The following CRLF2 variants were observed in gnomAD, a reference collection of about 807,000 sequenced individuals.
The protein encoded by CRLF2 is cytokine receptor like factor 2.
Under a neutral mutation model 38.7 loss-of-function variants are expected in CRLF2, and 41 were observed. That is an observed-to-expected ratio of 1.06 (90% CI 0.83 to 1.37). The LOEUF (loss-of-function observed/expected upper bound fraction) is 1.37, where lower values mean the gene tolerates loss of function less well. Among genes scored for constraint, CRLF2 ranks in the 40% most tolerant of loss-of-function variants. The probability of loss-of-function intolerance (pLI) is 0.00; values close to 1 mark genes in which losing one functional copy is unlikely to be tolerated. For synonymous variants in CRLF2, 140 were observed against 128.8 expected (o/e 1.09, Z -0.59); for missense variants, 377 against 322.2 (o/e 1.17, Z -1.30).
At chrX:1,208,748 T>C (rs2086734588) in intron 2 of CRLF2, 58 bp downstream of exon 2, 1 of 1,008,588 alleles carries the variant, frequency 9.9e-7, no homozygotes, top group African/African-American at 1.6e-5. Context: ...CGCTGACGGC[T>C]CAGAAGAGCG....
intron 2 of CRLF2, among the ~76,000 whole-genome samples, chrX:1,207,511 CCCT>C (rs1156464342): frequency 0.011 from 828 of 74,412 alleles, 10 homozygotes; most frequent in Middle Eastern, 0.036. Flanking sequence ...ACCCCCCCCC[CCCT>C]CAGCCTCCCA....
In CRLF2 at chrX:1,202,420, G is replaced by T; in HGVS notation, c.465C>A (p.Pro155=). The change falls in exon 4 of 8, where the codon CCC becomes CCA. Residue 155 remains proline, a synonymous_variant. Coordinates refer to ENST00000400841, the MANE Select transcript of CRLF2 (RefSeq NM_022148.4). The part of the protein sequence containing the change: ...DLLYEVQYRS[P]FDTEWQSKQE... ...GGCTCACCTGCCACTCGGTGTCGAA[G>T]GGGCTCCGGTACTGAACCTCATAGA... The T allele has an allele frequency of 6.2e-7, 1 of 1,613,648 alleles. No homozygotes were observed.
intron 1 of CRLF2, among the ~76,000 whole-genome samples, chrX:1,209,294 T>TTGTAGTGTAGTGTAG (rs774118469): frequency 0.049 from 6,921 of 142,472 alleles, 228 homozygotes; most frequent in Non-Finnish European, 0.065. Flanking sequence ...TTGCATTGTA[T>TTGTAGTGTAGTGTAG]TGTAGTGTAG....
In CRLF2 at chrX:1,191,128, G is replaced by A. The variant is rs2086365937; in HGVS notation, c.885C>T (p.His295=). The part of the protein sequence containing the change: ...EWITDTQNVA[H]LHKMAGAEQE... The stretch of plus-strand genomic sequence containing the variant: ...GCTCTGCACCTGCCATCTTGTGGAG[G>A]TGGGCCACGTTCTGGGTGTCTGTGA... Residue 295 remains histidine (H), a synonymous_variant, in exon 8 of 8, where the codon CAC becomes CAT. Coordinates refer to ENST00000400841, the MANE Select transcript of CRLF2 (RefSeq NM_022148.4). 1 of 398,546 alleles carries A rather than the reference G, an allele frequency of 2.5e-6. No homozygotes were observed. The highest frequency in any genetic ancestry group is 1.3e-4 in the South Asian group (1 of 7,860). The allele number at this position is 398,546 out of a possible 1,614,324, so 24.7% of individuals were successfully genotyped here. A position where few individuals can be genotyped will look rare whatever the true frequency, so the allele number is the denominator to read the frequency against.
chrX:1,191,936 T>G (rs1694845979), intron 7 of CRLF2, among the ~76,000 whole-genome samples: 1 of 151,736 alleles, frequency 6.6e-6, no homozygotes, highest in Admixed American at 6.6e-5. Context: ...CCGGCCGCAG[T>G]GGCTTACACC....
rs1357383412 is a variant in CRLF2 at position 1,192,192 on chromosome X, G to A, written c.852+1026C>T. ...TGCACTCCAGCCTGGGCGACAGAGC[G>A]AGACTCCGTCTCAAAAAAAAAAAAA... is the stretch of plus-strand genomic sequence containing the variant. On this transcript the variant is annotated intron_variant, in intron 7 of 7. Coordinates refer to ENST00000400841, the MANE Select transcript of CRLF2 (RefSeq NM_022148.4). 5.1e-3 allele frequency among the ~76,000 whole-genome samples: 606 copies of A among 118,174 alleles called. 18 individuals are homozygous for A. In the East Asian group the frequency reaches 0.12, roughly 23 times the overall value. 77.5% of individuals were successfully genotyped at this position (118,174 alleles called of 152,430 possible). A position where few individuals can be genotyped will look rare whatever the true frequency, so the allele number is the denominator to read the frequency against.
At chrX:1,192,597 T>C (rs1332952680) in intron 7 of CRLF2, among the ~76,000 whole-genome samples, 1 of 151,486 alleles carries the variant, frequency 6.6e-6, no homozygotes, top group Non-Finnish European at 1.5e-5. Flanking sequence ...TTCCTTCCTT[T>C]CTTCCTTTCT....
chrX:1,204,805 GGGTAAGC>G (rs1168563857), intron 3 of CRLF2, among the ~76,000 whole-genome samples: 2 of 144,448 alleles, frequency 1.4e-5, no homozygotes, highest in East Asian at 2.0e-4. Flanking sequence ...GGGATTACAG[GGGTAAGC>G]CACCACCCTG....
chrX:1,199,816 G>A (rs1373656885), intron 4 of CRLF2, among the ~76,000 whole-genome samples: 1 of 151,586 alleles, frequency 6.6e-6, no homozygotes, highest in Non-Finnish European at 1.5e-5. Flanking sequence ...TGTGTATAAG[G>A]TGTGTGTATA....
Position 1,190,796 on chromosome X carries a change from GA to G in CRLF2, c.*100del. 1 of 398,636 alleles carries G rather than the reference GA, an allele frequency of 2.5e-6. No homozygotes were observed. Among genetic ancestry groups the G allele is most frequent in the Non-Finnish European group, 4.4e-6 (1 of 226,080 alleles). 24.7% of individuals were successfully genotyped at this position (398,636 alleles called of 1,614,324 possible). ...TCCTAGTCCTACCATCATTGGCGTG[GA>G]GACTTCCCATCCATGGTGGTGTGGA... On this transcript the variant is annotated 3_prime_UTR_variant, in exon 8 of 8. Transcript: ENST00000400841.
rs2086492137 is a variant in CRLF2, at chrX:1,197,033, GTTGT to G, written c.647-137_647-134del. 1.3e-5 allele frequency: 9 copies of G among 671,248 alleles called. No homozygotes were observed. In the South Asian group the frequency reaches 3.0e-4, roughly 23 times the overall value. The allele number at this position is 671,248 out of a possible 1,614,324, so 41.6% of individuals were successfully genotyped here. On this transcript the variant is annotated intron_variant, in intron 5 of 7. Coordinates refer to ENST00000400841, the MANE Select transcript of CRLF2 (RefSeq NM_022148.4). ...TGTTCGTTTTTTTTTCTTGGTTCTCGTTGTTTGTTTTTTGTTTTGTTTTTGTTTT... is the reference window on the plus strand; with the variant it reads ...TGTTCGTTTTTTTTTCTTGGTTCTCGTTGTTTTTTGTTTTGTTTTTGTTTT...
At chrX:1,202,209 G>C (rs12859789) in intron 4 of CRLF2, among the ~76,000 whole-genome samples, 193 bp downstream of exon 4, 48,274 of 151,792 alleles carry the variant, frequency 0.32, 9,387 homozygotes, top group East Asian at 0.51. Context: ...TTTCTCTGGA[G>C]ACCCCTCAGA....
rs1198350526 is a variant in CRLF2 at position 1,195,959 on chromosome X, TA to T, written c.767+820del. On this transcript the variant is annotated intron_variant, in intron 6 of 7. Transcript: ENST00000400841. Reference sequence around the variant, plus strand: ...AATATATTTATATATATTTTATATATAAATTAAATATATATTATATATATTT... The same window carrying T: ...AATATATTTATATATATTTTATATATAATTAAATATATATTATATATATTT... Among the ~76,000 whole-genome samples the T allele has an allele frequency of 5.4e-4, 76 of 141,998 alleles. 2 individuals carry two copies. Among genetic ancestry groups the T allele is most frequent in the Middle Eastern group, 7.2e-3 (2 of 278 alleles). 93.2% of individuals were successfully genotyped at this position (141,998 alleles called of 152,430 possible). A position where few individuals can be genotyped will look rare whatever the true frequency, so the allele number is the denominator to read the frequency against.
At chrX:1,192,092 C>G (rs2086392138) in intron 7 of CRLF2, among the ~76,000 whole-genome samples, 2 of 147,644 alleles carry the variant, frequency 1.4e-5, no homozygotes, top group South Asian at 2.2e-4. Flanking sequence ...GTAGTCCCAG[C>G]TACTTGGGAG....
At chrX:1,203,905 T>C (rs1255595191) in intron 3 of CRLF2, among the ~76,000 whole-genome samples, 1 of 152,068 alleles carries the variant, frequency 6.6e-6, no homozygotes, top group Non-Finnish European at 1.5e-5. Context: ...CCGTTTCCCC[T>C]ACCTCTAAAA....
In CRLF2 at chrX:1,212,593, C is replaced by A. The variant is rs2086824859; in HGVS notation, c.42G>T (p.Leu14=). 1 of 1,612,814 alleles carries A rather than the reference C, an allele frequency of 6.2e-7. No homozygotes were observed. The highest frequency in any genetic ancestry group is 8.5e-7 in the Non-Finnish European group (1 of 1,179,356). Residue 14 remains leucine, a synonymous_variant, in exon 1 of 8, where the codon CTG becomes CTT. Transcript: ENST00000400841. The part of the protein sequence containing the change: ...LVLLWGAAVF[L]LGGWMALGQG... ...GCCCCAAAGCCATCCAGCCTCCCAG[C>A]AGAAAGACGGCAGCTCCCCACAGCA...
chrX:1,196,974 A>G (rs1353866358), intron 5 of CRLF2, 74 bp from the exon 6 acceptor site: 17 of 1,354,744 alleles, frequency 1.3e-5, no homozygotes, highest in Middle Eastern at 2.3e-4. Flanking sequence ...GTGATGTTAC[A>G]TCTCATCCCT....
intron 5 of CRLF2, among the ~76,000 whole-genome samples, chrX:1,197,633 G>C (rs1323829872): frequency 4.6e-5 from 7 of 151,736 alleles, no homozygotes. Flanking sequence ...GGCCAATATG[G>C]GGAAACGCCA....
Position 1,209,371 on chromosome X carries a change from A to G in CRLF2, c.80-463T>C, listed in dbSNP as rs1348123460. ...GTGTGAGACAGACTCTCACTCTGTC[A>G]CCCAGGCTGGACTGCAGTGGCGCAA... On this transcript the variant is annotated intron_variant, in intron 1 of 7. Transcript: ENST00000400841. Among the ~76,000 whole-genome samples the G allele has an allele frequency of 6.4e-3, 897 of 140,730 alleles. 29 individuals carry two copies. The highest frequency in any genetic ancestry group is 1.9e-3 in the Non-Finnish European group (123 of 64,258). 92.3% of individuals were successfully genotyped at this position (140,730 alleles called of 152,430 possible).
Sources: allele counts gnomAD v4.1 joint callset (sites outside exome capture counted in the v4.1 genomes callset), GRCh38; gene constraint gnomAD v4.1.1; transcripts MANE v1.5; gene names NCBI Gene and HGNC (gene_info 2026-07-23, HGNC 2026-07-21).